Variants in DSCAM observed in about 807,000 individuals in gnomAD.
DSCAM encodes DS cell adhesion molecule.
DSCAM carries 47 observed loss-of-function variants against 217.7 expected under a neutral mutation model. The ratio of observed to expected loss-of-function variants is 0.22; its 90% CI spans 0.17 to 0.28. The LOEUF is 0.28. DSCAM is among the 10% of genes least tolerant of loss of function. DSCAM has a pLI of 1.00. For missense variants in DSCAM, 2,080 were observed against 2,618.3 expected, an observed-to-expected ratio of 0.79 and a Z score of 4.49; for synonymous variants, 1,056 against 1,015.3, an observed-to-expected ratio of 1.04 and a Z score of -0.76.
rs539066506 is a variant in DSCAM, at chr21:40,809,318, G to A, written c.43+37301C>T. Among the ~76,000 whole-genome samples the A allele has an allele frequency of 1.6e-4, 24 of 152,264 alleles. No homozygotes were observed. The South Asian group carries it at 1.7e-3, about 11-fold the overall frequency. ...GCAGATCCTAATTTGAGGAAAAGCCGATCTATAAAGAAAGTAGACAGAAGC... is the reference window on the plus strand; with the variant it reads ...GCAGATCCTAATTTGAGGAAAAGCCAATCTATAAAGAAAGTAGACAGAAGC... On this transcript the variant is annotated intron_variant, in intron 1 of 32. Coordinates refer to ENST00000400454, the MANE Select transcript of DSCAM (RefSeq NM_001389.5).
chr21:40,171,856 A>G (rs2090662011), intron 15 of DSCAM, among the ~76,000 whole-genome samples: 1 of 152,228 alleles, frequency 6.6e-6, no homozygotes, highest in African/African-American at 2.4e-5. Context: ...CTATAAAATT[A>G]CAGTCCAAAG....
chr21:40,760,906 C>T (rs2091326586), intron 1 of DSCAM, among the ~76,000 whole-genome samples: 1 of 152,228 alleles, frequency 6.6e-6, no homozygotes. Flanking sequence ...TCAACACGAT[C>T]AGTCCCCATA....
At chr21:40,234,093 T>C (rs1445991167) in intron 11 of DSCAM, among the ~76,000 whole-genome samples, 1 of 152,246 alleles carries the variant, frequency 6.6e-6, no homozygotes, top group Non-Finnish European at 1.5e-5. Flanking sequence ...AAGAGCTGGC[T>C]AGCACGGAAC....
At chr21:40,713,415 T>C (rs1390390841) in intron 1 of DSCAM, among the ~76,000 whole-genome samples, 1 of 152,216 alleles carries the variant, frequency 6.6e-6, no homozygotes, top group East Asian at 1.9e-4. Flanking sequence ...ATATGGAATG[T>C]AGACTTCTAT....
At position 40,538,693 on chromosome 21, in the gene DSCAM, C is replaced by T. The variant is rs182739071; in HGVS notation, c.508+154117G>A. 5.3e-3 allele frequency among the ~76,000 whole-genome samples: 806 copies of T among 152,078 alleles called. 11 individuals carry two copies. Among genetic ancestry groups the T allele is most frequent in the African/African-American group, 0.018 (745 of 41,484 alleles). ...TTTCCTCCCAGTGTGGTCCTTGAAC[C>T]GCCTGCTAATAAAGTCATCAAGGCC... On this transcript the variant is annotated intron_variant, in intron 3 of 32. Transcript: ENST00000400454.
intron 27 of DSCAM, among the ~76,000 whole-genome samples, chr21:40,069,883 T>C (rs1167767884): frequency 1.3e-5 from 2 of 151,990 alleles, no homozygotes; most frequent in Non-Finnish European, 2.9e-5. Context: ...GGCAGACATA[T>C]ATTAAAAAAA....
intron 3 of DSCAM, among the ~76,000 whole-genome samples, chr21:40,583,546 C>T (rs1165827637): frequency 1.3e-5 from 2 of 152,064 alleles, no homozygotes; most frequent in African/African-American, 4.8e-5. Context: ...GACCTCAGAC[C>T]TACCAGGGGA....
intron 9 of DSCAM, among the ~76,000 whole-genome samples, chr21:40,311,022 AT>A (rs2074131886): frequency 6.6e-6 from 1 of 152,076 alleles, no homozygotes; most frequent in Admixed American, 6.6e-5. Flanking sequence ...TGGCAGGTAG[AT>A]AAAAAGTGCA....
chr21:40,362,255 C>T, intron 4 of DSCAM, among the ~76,000 whole-genome samples: 1 of 152,014 alleles, frequency 6.6e-6, no homozygotes, highest in Non-Finnish European at 1.5e-5. Context: ...GTCTTTATAG[C>T]AGCATATGTA....
chr21:40,788,994 AT>A (rs1418143478), intron 1 of DSCAM, among the ~76,000 whole-genome samples: 4 of 152,370 alleles, frequency 2.6e-5, no homozygotes, highest in South Asian at 4.1e-4. Context: ...CTAGAAAAAA[AT>A]ATGAGTATTT....
chr21:40,576,101 T>C (rs1188858979), intron 3 of DSCAM, among the ~76,000 whole-genome samples: 1 of 152,138 alleles, frequency 6.6e-6, no homozygotes, highest in Non-Finnish European at 1.5e-5. Flanking sequence ...ACTTAGTATT[T>C]CCCCAAGAGA....
At chr21:40,268,984 T>C (rs2073578365) in intron 11 of DSCAM, among the ~76,000 whole-genome samples, 1 of 152,158 alleles carries the variant, frequency 6.6e-6, no homozygotes, top group Non-Finnish European at 1.5e-5. Flanking sequence ...GCCCAAAGCA[T>C]GCACTGCAAA....
intron 8 of DSCAM, among the ~76,000 whole-genome samples, chr21:40,320,010 G>A (rs2074242698): frequency 6.6e-6 from 1 of 152,134 alleles, no homozygotes; most frequent in East Asian, 1.9e-4. Context: ...GAGAACTCAT[G>A]GACACAGGGA....
intron 2 of DSCAM, among the ~76,000 whole-genome samples, chr21:40,706,289 C>T (rs926828666): frequency 6.6e-6 from 1 of 152,106 alleles, no homozygotes; most frequent in South Asian, 2.1e-4. Flanking sequence ...CTCATTGCTA[C>T]TTGCTCTGTA....
At chr21:40,083,860 T>C in intron 24 of DSCAM, 48 bp downstream of exon 24, 1 of 1,479,170 alleles carries the variant, frequency 6.8e-7, no homozygotes, top group South Asian at 1.2e-5. Context: ...TATTGGCATG[T>C]GGATCACACA....
chr21:40,458,518 G>A (rs2075781228), intron 3 of DSCAM, among the ~76,000 whole-genome samples: 1 of 151,776 alleles, frequency 6.6e-6, no homozygotes, highest in Admixed American at 6.6e-5. Flanking sequence ...GAAAGAACTA[G>A]AAAAAAGCCA....
chr21:40,529,061 C>T (rs2076422995), intron 3 of DSCAM, among the ~76,000 whole-genome samples: 1 of 151,714 alleles, frequency 6.6e-6, no homozygotes, highest in Admixed American at 6.6e-5. Flanking sequence ...GTGCCACCAC[C>T]CCCGGCTAAT....
At chr21:40,152,231 T>C (rs1026018739) in intron 16 of DSCAM, among the ~76,000 whole-genome samples, 2 of 152,220 alleles carry the variant, frequency 1.3e-5, no homozygotes, top group Non-Finnish European at 2.9e-5. Context: ...AGAAATGTGT[T>C]TAAGTTAAAG....
At chr21:40,581,843 T>A (rs1601763519) in intron 3 of DSCAM, among the ~76,000 whole-genome samples, 1 of 152,290 alleles carries the variant, frequency 6.6e-6, no homozygotes, top group Non-Finnish European at 1.5e-5. Context: ...TAGAAGAATT[T>A]CTTTCTTTTA....
Sources: gnomAD v4.1 joint callset for allele counts (sites outside exome capture counted in the v4.1 genomes callset) on GRCh38, gnomAD v4.1.1 for gene constraint, MANE v1.5 for transcripts, NCBI Gene and HGNC (gene_info 2026-07-23, HGNC 2026-07-21) for gene names.